Variants in PDE4D observed in about 807,000 individuals in gnomAD.
The protein encoded by PDE4D is 3',5'-cyclic-AMP phosphodiesterase 4D.
PDE4D carries 24 observed loss-of-function variants against 87.4 expected under a neutral mutation model. That is an observed-to-expected ratio of 0.27 (90% CI 0.20 to 0.39). The LOEUF (loss-of-function observed/expected upper bound fraction) is 0.39, where lower values mean the gene tolerates loss of function less well. Among genes scored for constraint, PDE4D ranks in the 10% least tolerant of loss-of-function variants. The probability of loss-of-function intolerance (pLI) is 1.00; values close to 1 mark genes in which losing one functional copy is unlikely to be tolerated. For missense variants in PDE4D, 714 were observed against 1,041.0 expected, an observed-to-expected ratio of 0.69 and a Z score of 4.32; for synonymous variants, 384 against 383.2, an observed-to-expected ratio of 1.00 and a Z score of -0.02.
At chr5:59,325,070 C>G (rs17780740) in intron 1 of PDE4D, among the ~76,000 whole-genome samples, 10,111 of 152,088 alleles carry the variant, frequency 0.066, 458 homozygotes, top group South Asian at 0.13. Flanking sequence ...ACAGTAATAG[C>G]CTTTTGAAAA....
chr5:59,088,751 A>C (rs1218528901), intron 5 of PDE4D, among the ~76,000 whole-genome samples: 1 of 152,162 alleles, frequency 6.6e-6, no homozygotes, highest in Admixed American at 6.5e-5. Context: ...ACTCATGGAC[A>C]CATAGAGGGA....
At chr5:59,096,809 T>A (rs749849622) in intron 5 of PDE4D, among the ~76,000 whole-genome samples, 1 of 152,188 alleles carries the variant, frequency 6.6e-6, no homozygotes, top group Non-Finnish European at 1.5e-5. Context: ...TGAAACAGTA[T>A]CTATGGTCTA....
rs1743430803 is a variant in PDE4D at position 58,975,292 on chromosome 5, A to C, written c.2014-212T>G. Reference sequence around the variant, plus strand: ...AAATTAGCTTCTAGAACCTTTGGTTAAAGAGCATGTTCTATAGCATAAAAA... The same window carrying C: ...AAATTAGCTTCTAGAACCTTTGGTTCAAGAGCATGTTCTATAGCATAAAAA... On this transcript the variant is annotated intron_variant, in intron 14 of 14. Transcript: ENST00000340635. The surrounding 1 kb of genome is among the most constrained non-coding windows in gnomAD (Gnocchi z 4.2). Among the ~76,000 whole-genome samples, 1 of 148,428 alleles carries C rather than the reference A, an allele frequency of 6.7e-6. No individual in the cohort carries two copies. Among genetic ancestry groups the C allele is most frequent in the Non-Finnish European group, 1.5e-5 (1 of 66,654 alleles).
chr5:59,688,910 T>C (rs1370382946), intron 1 of PDE4D, among the ~76,000 whole-genome samples: 2 of 152,036 alleles, frequency 1.3e-5, no homozygotes, highest in Non-Finnish European at 2.9e-5. Context: ...CCCACAGAAA[T>C]ACAAACTACT....
At chr5:60,446,143 C>G (rs1484451035) in intron 1 of PDE4D, among the ~76,000 whole-genome samples, 1 of 152,086 alleles carries the variant, frequency 6.6e-6, no homozygotes, top group African/African-American at 2.4e-5. Flanking sequence ...GAAAACAACA[C>G]TACTTAAGAT....
intron 4 of PDE4D, among the ~76,000 whole-genome samples, chr5:59,182,995 A>G (rs1742009628): frequency 6.6e-6 from 1 of 152,222 alleles, no homozygotes; most frequent in Admixed American, 6.5e-5. Flanking sequence ...CATGCCTTCC[A>G]TAAAATCCAA....
chr5:60,265,783 T>C (rs982694692), intron 1 of PDE4D, among the ~76,000 whole-genome samples: 1 of 152,176 alleles, frequency 6.6e-6, no homozygotes, highest in Non-Finnish European at 1.5e-5. Context: ...AATGCTGTAC[T>C]TGCTCTGAGA....
intron 1 of PDE4D, among the ~76,000 whole-genome samples, chr5:60,227,508 G>A (rs1445655906): frequency 6.6e-6 from 1 of 150,918 alleles, no homozygotes; most frequent in African/African-American, 2.4e-5. Flanking sequence ...ATAGGAAAGA[G>A]GGAAATAAGG....
chr5:59,401,295 A>G (rs1162523685), intron 1 of PDE4D, among the ~76,000 whole-genome samples: 1 of 151,998 alleles, frequency 6.6e-6, no homozygotes, highest in Non-Finnish European at 1.5e-5. Flanking sequence ...AATTTTAAAA[A>G]TTAGCTGGAC....
rs1759297562 is a variant in PDE4D at position 59,248,397 on chromosome 5, T to C, written c.456-32429A>G. Among the ~76,000 whole-genome samples the C allele has an allele frequency of 2.0e-5, 3 of 151,762 alleles. No homozygotes were observed. The South Asian group carries it at 6.3e-4, about 32-fold the overall frequency. On this transcript the variant is annotated intron_variant, in intron 1 of 14. Coordinates refer to ENST00000340635, the MANE Select transcript of PDE4D (RefSeq NM_001104631.2). ...AGTGGTTCCTGCTCTTGCATCTATC[T>C]GCCACCTTACCCACCTACCACCCAG... is the stretch of plus-strand genomic sequence containing the variant.
chr5:60,518,233 C>T (rs1220224480), intron 1 of PDE4D, among the ~76,000 whole-genome samples: 1 of 152,242 alleles, frequency 6.6e-6, no homozygotes, highest in Non-Finnish European at 1.5e-5. Context: ...TCACCCTTGG[C>T]AGGCATAAGA....
At chr5:59,740,736 T>C (rs368671807) in intron 1 of PDE4D, among the ~76,000 whole-genome samples, 1 of 152,182 alleles carries the variant, frequency 6.6e-6, no homozygotes, top group Non-Finnish European at 1.5e-5. Context: ...CACTTTGCAC[T>C]GAAGAGGACT....
At chr5:59,411,360 C>T (rs16889796) in intron 1 of PDE4D, among the ~76,000 whole-genome samples, 10,317 of 152,174 alleles carry the variant, frequency 0.068, 951 homozygotes, top group African/African-American at 0.21. Context: ...CTATTCTTTA[C>T]CGTCATTTGA....
chr5:60,328,007 C>A (rs1250755509), intron 1 of PDE4D, among the ~76,000 whole-genome samples: 1 of 152,110 alleles, frequency 6.6e-6, no homozygotes, highest in African/African-American at 2.4e-5. Context: ...ATGATCATGA[C>A]AATGATGATG....
intron 6 of PDE4D, among the ~76,000 whole-genome samples, chr5:59,010,524 A>T (rs934007090): frequency 6.6e-6 from 1 of 151,862 alleles, no homozygotes; most frequent in African/African-American, 2.4e-5. Context: ...ATTTTTAAAT[A>T]AATCAAACTC....
At chr5:60,081,873 C>G (rs1381672774) in intron 2 of PDE4D, among the ~76,000 whole-genome samples, 4 of 152,144 alleles carry the variant, frequency 2.6e-5, no homozygotes, top group African/African-American at 9.7e-5. Flanking sequence ...AGGAAAGTGA[C>G]TAACAAAAGT....
chr5:59,831,856 T>C (rs1385500510), intron 1 of PDE4D, among the ~76,000 whole-genome samples: 1 of 151,968 alleles, frequency 6.6e-6, no homozygotes, highest in African/African-American at 2.4e-5. Context: ...CTGCAAAACA[T>C]ATCAGATAAA....
chr5:59,524,555 A>C (rs1000511582), intron 1 of PDE4D, among the ~76,000 whole-genome samples: 2 of 152,098 alleles, frequency 1.3e-5, no homozygotes, highest in African/African-American at 4.8e-5. Context: ...GCAAAGAAAA[A>C]CCCATTTTCT....
At chr5:59,220,399 A>AAAAG (rs1561742097) in intron 1 of PDE4D, among the ~76,000 whole-genome samples, 14 of 146,730 alleles carry the variant, frequency 9.5e-5, no homozygotes, top group African/African-American at 3.3e-4. Flanking sequence ...AAAAAAAAAA[A>AAAAG]AAAGAAAGAC....
Sources: gnomAD v4.1 joint callset for allele counts (sites outside exome capture counted in the v4.1 genomes callset) on GRCh38, gnomAD v4.1.1 for gene constraint, Gnocchi (gnomAD v3.1) non-coding constraint, MANE v1.5 for transcripts, NCBI Gene and HGNC (gene_info 2026-07-23, HGNC 2026-07-21) for gene names.